DNAH5: variants seen among roughly 807,000 people sequenced by gnomAD.
The protein encoded by DNAH5 is dynein axonemal heavy chain 5.
DNAH5 carries 372 observed loss-of-function variants against 518.2 expected under a neutral mutation model. The observed-to-expected ratio is 0.72, with a 90% confidence interval of 0.66 to 0.78. The LOEUF is 0.78. Among genes scored for constraint, DNAH5 ranks in the 30% least tolerant of loss-of-function variants. The pLI, the probability that DNAH5 is intolerant of heterozygous loss-of-function variation, is 0.00. For synonymous variants in DNAH5, 2,039 were observed against 2,025.9 expected (o/e 1.01, Z -0.17); for missense variants, 5,523 against 5,687.0 (o/e 0.97, Z 0.93).
chr5:13,976,391 T>A (rs1310787385), intron 1 of DNAH5, among the ~76,000 whole-genome samples: 2 of 152,220 alleles, frequency 1.3e-5, no homozygotes, highest in Non-Finnish European at 2.9e-5. Context: ...ACACTCGTGC[T>A]GTGTCCCAGC....
intron 65 of DNAH5, among the ~76,000 whole-genome samples, chr5:13,746,942 G>C (rs767981541): frequency 4.7e-4 from 71 of 151,974 alleles, no homozygotes; most frequent in South Asian, 2.3e-3. Flanking sequence ...ACAACGTGCA[G>C]GTTTGTTACA....
At chr5:13,846,805 T>C (rs1766070363) in intron 31 of DNAH5, among the ~76,000 whole-genome samples, 1 of 152,232 alleles carries the variant, frequency 6.6e-6, no homozygotes, top group African/African-American at 2.4e-5. Context: ...TGAGACAGCC[T>C]GGAGAGTCTA....
intron 31 of DNAH5, among the ~76,000 whole-genome samples, chr5:13,845,871 C>T (rs1317132176): frequency 2.1e-5 from 3 of 143,276 alleles, no homozygotes; most frequent in African/African-American, 7.8e-5. Context: ...CAGTCTATCA[C>T]CAGGGCTGGA....
chr5:13,708,303 G>A lies in DNAH5; in HGVS notation c.13158C>T (p.Phe4386=), dbSNP rs752463753. 1 of 1,614,056 alleles carries A rather than the reference G, an allele frequency of 6.2e-7. No individual in the cohort carries two copies. The highest frequency in any genetic ancestry group is 2.2e-5 in the East Asian group (1 of 44,872). Residue 4386 remains phenylalanine, a synonymous_variant, in exon 76 of 79, where the codon TTC becomes TTT. Transcript: ENST00000265104. ...GCCTGAGGAAAATGTTCATAGGCTG[G>A]AATGGCCCCATCTTCTGCAGCCTCT... The part of the protein sequence containing the change: ...VKERLQKMGP[F]QPMNIFLRQE...
rs1166693964 is a variant in DNAH5, at chr5:13,867,973, T to C, written c.3854A>G (p.Asn1285Ser). Residue 1285 changes from asparagine to serine, a missense_variant, in exon 25 of 79, where the codon AAC becomes AGC. Coordinates refer to ENST00000265104, the MANE Select transcript of DNAH5 (RefSeq NM_001369.3). ...CCTTGCTATCAGAAGTCCATATCTGTTAAGCAGGGCATAAGATTCCTAAAA... is the reference window on the plus strand; with the variant it reads ...CCTTGCTATCAGAAGTCCATATCTGCTAAGCAGGGCATAAGATTCCTAAAA... Reference protein sequence around the residue: ...GPIEESYALLNRYGLLIAREE... With the variant: ...GPIEESYALLSRYGLLIAREE... The C allele has an allele frequency of 1.2e-6, 2 of 1,611,860 alleles. No individual in the cohort carries two copies. Among genetic ancestry groups the C allele is most frequent in the Admixed American group, 3.4e-5 (2 of 59,622 alleles).
At chr5:13,727,421 T>A in intron 70 of DNAH5, 86 bp downstream of exon 70, 1 of 1,309,460 alleles carries the variant, frequency 7.6e-7, no homozygotes, top group Non-Finnish European at 1.0e-6. Flanking sequence ...TCACTGGAAT[T>A]CACATTTAAA....
chr5:13,859,409 T>C, intron 30 of DNAH5, 43 bp downstream of exon 30: 1 of 1,610,860 alleles, frequency 6.2e-7, no homozygotes, highest in Non-Finnish European at 8.5e-7. Context: ...TCTGAGAGCT[T>C]TCTCTGAAAA....
In DNAH5 at chr5:13,920,037, T is replaced by C. The variant is rs115022903; in HGVS notation, c.798+443A>G. Among the ~76,000 whole-genome samples, 297 of 152,350 alleles carry C rather than the reference T, an allele frequency of 1.9e-3. 2 individuals carry two copies. The highest frequency in any genetic ancestry group is 0.018 in the South Asian group (89 of 4,824). On this transcript the variant is annotated intron_variant, in intron 6 of 78. Coordinates refer to ENST00000265104, the MANE Select transcript of DNAH5 (RefSeq NM_001369.3). ...CTTGGAGGAACATGGCCTTGTTAAATTGCATGGCTCAGGCTAGTGGATTTT... is the reference window on the plus strand; with the variant it reads ...CTTGGAGGAACATGGCCTTGTTAAACTGCATGGCTCAGGCTAGTGGATTTT...
intron 55 of DNAH5, among the ~76,000 whole-genome samples, chr5:13,775,480 AATAG>A (rs1165237776): frequency 1.3e-5 from 2 of 152,138 alleles, no homozygotes; most frequent in East Asian, 1.9e-4. Context: ...ATAGATAATT[AATAG>A]ATATTTAGAT....
At chr5:13,783,163 G>A (rs1338883571) in intron 52 of DNAH5, among the ~76,000 whole-genome samples, 1 of 152,208 alleles carries the variant, frequency 6.6e-6, no homozygotes, top group Non-Finnish European at 1.5e-5. Context: ...CCAGGCATGA[G>A]CTGAGCTACC....
chr5:13,793,744 T>C lies in DNAH5; in HGVS notation c.8011-16A>G. 2 of 1,611,884 alleles carry C rather than the reference T, an allele frequency of 1.2e-6. No homozygotes were observed. The highest frequency in any genetic ancestry group is 1.7e-6 in the Non-Finnish European group (2 of 1,178,450). The stretch of plus-strand genomic sequence containing the variant: ...CATTCGTAACCTACAAAAGACAACT[T>C]TCAGAATTAAAGCATCATTCCTTTC... On this transcript the variant is annotated splice_polypyrimidine_tract_variant and intron_variant, in intron 48 of 78. Coordinates refer to ENST00000265104, the MANE Select transcript of DNAH5 (RefSeq NM_001369.3).
intron 32 of DNAH5, among the ~76,000 whole-genome samples, chr5:13,842,508 A>AAAAG (rs141748082): frequency 0.26 from 22,784 of 87,736 alleles, 6,421 homozygotes; most frequent in East Asian, 0.55. Flanking sequence ...GAAAGAAAGA[A>AAAAG]AAAGAAAGAA....
chr5:13,946,675 G>A (rs1344040079), upstream of DNAH5, among the ~76,000 whole-genome samples: 1 of 152,160 alleles, frequency 6.6e-6, no homozygotes, highest in Non-Finnish European at 1.5e-5. Flanking sequence ...CCGTCTGTGC[G>A]GATAGTACAC....
intron 1 of DNAH5, among the ~76,000 whole-genome samples, chr5:13,991,781 T>C (rs994203412): frequency 6.6e-6 from 1 of 152,186 alleles, no homozygotes; most frequent in Non-Finnish European, 1.5e-5. Flanking sequence ...TGAAAACCCA[T>C]GTAGCCTAAA....
In DNAH5 at chr5:13,793,495, C is replaced by G; in HGVS notation, c.8224+20G>C. 5 of 1,603,856 alleles carry G rather than the reference C, an allele frequency of 3.1e-6. No individual in the cohort carries two copies. Among genetic ancestry groups the G allele is most frequent in the Non-Finnish European group, 3.4e-6 (4 of 1,170,706 alleles). On this transcript the variant is annotated intron_variant, in intron 49 of 78. Transcript: ENST00000265104. The stretch of plus-strand genomic sequence containing the variant: ...GGTGTTCTTCCTCACCCTCCCACCC[C>G]ACATCCTCTTGATCTTTACCAAAGA...
chr5:13,784,744 C>T (rs529610524), intron 52 of DNAH5, among the ~76,000 whole-genome samples: 4 of 152,164 alleles, frequency 2.6e-5, no homozygotes, highest in East Asian at 1.9e-4. Flanking sequence ...GGATGTAGTC[C>T]GGAAAAGTAG....
chr5:13,952,546 G>A (rs1252751455), intron 1 of DNAH5, among the ~76,000 whole-genome samples: 2 of 152,116 alleles, frequency 1.3e-5, no homozygotes, highest in Admixed American at 6.5e-5. Context: ...CAATATCACC[G>A]CAAATTCAGA....
chr5:13,691,780 A>T lies in DNAH5; in HGVS notation c.*204T>A, dbSNP rs1295734485. On this transcript the variant is annotated 3_prime_UTR_variant, in exon 79 of 79. Transcript: ENST00000265104. ...ATTTACTTTTATATCACTAAATAAC[A>T]TTTTCAACAAACTCAGACATTGGTC... 1 of 625,630 alleles carries T rather than the reference A, an allele frequency of 1.6e-6. No individual in the cohort carries two copies. Among genetic ancestry groups the T allele is most frequent in the African/African-American group, 1.8e-5 (1 of 54,250 alleles). The allele number at this position is 625,630 out of a possible 1,614,324, so 38.8% of individuals were successfully genotyped here.
At chr5:13,752,519 TG>T (rs1750385186) in intron 63 of DNAH5, among the ~76,000 whole-genome samples, 1 of 152,236 alleles carries the variant, frequency 6.6e-6, no homozygotes, top group African/African-American at 2.4e-5. Context: ...ACACAAACTT[TG>T]TTTCATGCAT....
Sources: allele counts gnomAD v4.1 joint callset (sites outside exome capture counted in the v4.1 genomes callset), GRCh38; gene constraint gnomAD v4.1.1; transcripts MANE v1.5; gene names NCBI Gene and HGNC (gene_info 2026-07-23, HGNC 2026-07-21).